Variants in PDAP1 observed in about 807,000 individuals in gnomAD.
The protein encoded by PDAP1 is 28 kDa heat- and acid-stable phosphoprotein.
A neutral mutation model predicts 28.0 loss-of-function variants in PDAP1; 13 were observed. The ratio of observed to expected loss-of-function variants is 0.46; its 90% CI spans 0.30 to 0.74. PDAP1 has a LOEUF of 0.74. Ranked by LOEUF, PDAP1 falls within the 30% of genes least tolerant of loss-of-function variation. The pLI is 0.07. For synonymous variants in PDAP1, 77 were observed against 85.1 expected (o/e 0.91, Z 0.52); for missense variants, 150 against 230.0 (o/e 0.65, Z 2.25).
Position 99,394,945 on chromosome 7 carries a change from A to G in PDAP1, c.*1737T>C, listed in dbSNP as rs1016620374. ...CCCAAGTAGCTGGGACTCCAGGGAG[A>G]GATTGGTGTTTGCACGGCCATAGGT... is the stretch of plus-strand genomic sequence containing the variant. On this transcript the variant is annotated 3_prime_UTR_variant, in exon 6 of 6. Coordinates refer to ENST00000350498, the MANE Select transcript of PDAP1 (RefSeq NM_014891.7). 1 of 625,470 alleles carries G rather than the reference A, an allele frequency of 1.6e-6. No homozygotes were observed. Among genetic ancestry groups the G allele is most frequent in the Non-Finnish European group, 2.2e-6 (1 of 455,592 alleles). 38.7% of individuals were successfully genotyped at this position (625,470 alleles called of 1,614,324 possible).
At position 99,403,378 on chromosome 7, in the gene PDAP1, C is replaced by A. The variant is rs1041608263; in HGVS notation, c.213+20G>T. 4 of 1,403,302 alleles carry A rather than the reference C, an allele frequency of 2.9e-6. No homozygotes were observed. The highest frequency in any genetic ancestry group is 4.0e-6 in the Non-Finnish European group (4 of 987,664). 86.9% of individuals were successfully genotyped at this position (1,403,302 alleles called of 1,614,324 possible). A position where few individuals can be genotyped will look rare whatever the true frequency, so the allele number is the denominator to read the frequency against. ...TGAATGAATGAGTCCAGGCTCTAGG[C>A]CCTCAAAAGAACTCAGTACCTGGTA... On this transcript the variant is annotated intron_variant, in intron 3 of 5. Transcript: ENST00000350498.
chr7:99,405,787 T>C (rs1794960831), intron 1 of PDAP1, among the ~76,000 whole-genome samples: 1 of 152,172 alleles, frequency 6.6e-6, no homozygotes, highest in African/African-American at 2.4e-5. Flanking sequence ...AGAGTCCAAC[T>C]CCCAGGTTCT....
rs1288375321 is a variant in PDAP1, at chr7:99,396,082, T to C, written c.*600A>G. The C allele has an allele frequency of 6.5e-6, 1 of 154,008 alleles. No individual in the cohort carries two copies. The highest frequency in any genetic ancestry group is 2.4e-5 in the African/African-American group (1 of 41,452). 9.5% of individuals were successfully genotyped at this position (154,008 alleles called of 1,614,324 possible). A position where few individuals can be genotyped will look rare whatever the true frequency, so the allele number is the denominator to read the frequency against. ...CACAGTAAACAGAGGTTTCTTGAAA[T>C]GATCAATGGGTAGGGCTGAAAATGG... is the stretch of plus-strand genomic sequence containing the variant. On this transcript the variant is annotated 3_prime_UTR_variant, in exon 6 of 6. Transcript: ENST00000350498.
In PDAP1 at chr7:99,400,552, G is replaced by C. The variant is rs558649575; in HGVS notation, c.214-128C>G. 9 of 1,029,978 alleles carry C rather than the reference G, an allele frequency of 8.7e-6. No individual in the cohort carries two copies. In the African/African-American group the frequency reaches 1.3e-4, roughly 15 times the overall value. 63.8% of individuals were successfully genotyped at this position (1,029,978 alleles called of 1,614,324 possible). Reference sequence around the variant, plus strand: ...CCTGCTCCACCCCAGCCCACGTAGTGCTCAGCCCAAGTCTCACAGTGGGTA... The same window carrying C: ...CCTGCTCCACCCCAGCCCACGTAGTCCTCAGCCCAAGTCTCACAGTGGGTA... On this transcript the variant is annotated intron_variant, in intron 3 of 5. Transcript: ENST00000350498.
At position 99,403,444 on chromosome 7, in the gene PDAP1, T is replaced by C. The variant is rs376873632; in HGVS notation, c.167A>G (p.Lys56Arg). The C allele has an allele frequency of 1.2e-6, 2 of 1,612,190 alleles. No homozygotes were observed. Among genetic ancestry groups the C allele is most frequent in the African/African-American group, 2.7e-5 (2 of 74,856 alleles). Residue 56 changes from lysine (K) to arginine (R), a missense_variant, in exon 3 of 6, where the codon AAA becomes AGA. Transcript: ENST00000350498. ...GAAGDPKKEK[K>R]SLDSDESEDE... ...CTCACTCTCATCTGAGTCTAGAGAT[T>C]TCTTCTCCTTTTTGGGGTCACCTGC...
chr7:99,400,744 T>G (rs935543436), intron 3 of PDAP1, among the ~76,000 whole-genome samples: 1 of 152,156 alleles, frequency 6.6e-6, no homozygotes, highest in African/African-American at 2.4e-5. Flanking sequence ...CAAGCTCGGC[T>G]TCCAAAAGCA....
At position 99,404,982 on chromosome 7, in the gene PDAP1, G is replaced by A. The variant is rs750936861; in HGVS notation, c.14-29C>T. 1.9e-6 allele frequency: 3 copies of A among 1,561,990 alleles called. No individual in the cohort carries two copies. In the Admixed American group the frequency reaches 5.0e-5, roughly 26 times the overall value. ...CAGAGACCCGCAGTTTAGGTGAGCG[G>A]AAGCAGCTGCCTTGACTGCTCTGAC... On this transcript the variant is annotated intron_variant, in intron 1 of 5. Transcript: ENST00000350498.
chr7:99,408,432 T>C (rs1795030107), intron 1 of PDAP1, 104 bp downstream of exon 1: 11 of 1,067,954 alleles, frequency 1.0e-5, no homozygotes, highest in Non-Finnish European at 1.3e-5. Context: ...GCGGACAGCC[T>C]CCCTCTGCGC....
At chr7:99,403,948 A>G (rs1270643386) in intron 2 of PDAP1, among the ~76,000 whole-genome samples, 1 of 151,992 alleles carries the variant, frequency 6.6e-6, no homozygotes, top group Non-Finnish European at 1.5e-5. Flanking sequence ...CTCCCACTCC[A>G]TGGCAAGTCA....
At chr7:99,405,548 T>C (rs1794956670) in intron 1 of PDAP1, among the ~76,000 whole-genome samples, 1 of 152,000 alleles carries the variant, frequency 6.6e-6, no homozygotes, top group Admixed American at 6.6e-5. Context: ...TTAGTAGAGA[T>C]GGGGTTTAAC....
At position 99,397,854 on chromosome 7, in the gene PDAP1, G is replaced by T; in HGVS notation, c.487+8C>A. The T allele has an allele frequency of 6.2e-7, 1 of 1,612,098 alleles. No individual in the cohort carries two copies. The highest frequency in any genetic ancestry group is 8.5e-7 in the Non-Finnish European group (1 of 1,179,962). ...GGCCTGTCCCTGCGTGCGCAGCCCA[G>T]CCCTTACCTTTCCTTTCCTCTTCCT... On this transcript the variant is annotated splice_region_variant and intron_variant, in intron 5 of 5. Coordinates refer to ENST00000350498, the MANE Select transcript of PDAP1 (RefSeq NM_014891.7).
At position 99,399,824 on chromosome 7, in the gene PDAP1, A is replaced by C. The variant is rs192637845; in HGVS notation, c.335+479T>G. Among the ~76,000 whole-genome samples, 364 of 152,330 alleles carry C rather than the reference A, an allele frequency of 2.4e-3. 2 individuals carry two copies. The highest frequency in any genetic ancestry group is 8.3e-3 in the African/African-American group (345 of 41,570). ...GATCTTGATCCTCATACGACTCTTGAGGAAGATATTTACAGCTTCATTTTC... is the reference window on the plus strand; with the variant it reads ...GATCTTGATCCTCATACGACTCTTGCGGAAGATATTTACAGCTTCATTTTC... On this transcript the variant is annotated intron_variant, in intron 4 of 5. Transcript: ENST00000350498.
intron 3 of PDAP1, 151 bp downstream of exon 3, chr7:99,403,247 T>G: frequency 1.6e-6 from 1 of 611,746 alleles, no homozygotes; most frequent in South Asian, 2.0e-5. Flanking sequence ...ACACTGTCTG[T>G]TTACTTCTTT....
intron 1 of PDAP1, among the ~76,000 whole-genome samples, chr7:99,406,913 C>A (rs1312736352): frequency 6.6e-6 from 1 of 152,118 alleles, no homozygotes; most frequent in Non-Finnish European, 1.5e-5. Context: ...TTATTAAAGT[C>A]CTATTGTGAG....
chr7:99,402,153 C>T (rs367939886), intron 3 of PDAP1, among the ~76,000 whole-genome samples: 6 of 143,984 alleles, frequency 4.2e-5, no homozygotes, highest in Middle Eastern at 3.6e-3. Context: ...GGCCTGAACC[C>T]GGGAGGCGGA....
rs1321919363 is a variant in PDAP1 at position 99,395,500 on chromosome 7, A to G, written c.*1182T>C. On this transcript the variant is annotated 3_prime_UTR_variant, in exon 6 of 6. Transcript: ENST00000350498. Reference sequence around the variant, plus strand: ...ATTTTGTCATTACAATGTTGGCAAGATATTTTTTTCGTGTGCTGTAAACTG... The same window carrying G: ...ATTTTGTCATTACAATGTTGGCAAGGTATTTTTTTCGTGTGCTGTAAACTG... The G allele has an allele frequency of 6.6e-6, 1 of 152,152 alleles. No individual in the cohort carries two copies. Among genetic ancestry groups the G allele is most frequent in the Non-Finnish European group, 1.5e-5 (1 of 68,060 alleles). 9.4% of individuals were successfully genotyped at this position (152,152 alleles called of 1,614,324 possible).
chr7:99,405,525 T>G (rs542289349), intron 1 of PDAP1, among the ~76,000 whole-genome samples: 23 of 151,972 alleles, frequency 1.5e-4, no homozygotes, highest in African/African-American at 5.6e-4. Flanking sequence ...ATGCCCAGCT[T>G]ATTTATTTAT....
intron 4 of PDAP1, among the ~76,000 whole-genome samples, chr7:99,398,364 C>T (rs1333489961): frequency 6.6e-6 from 1 of 152,120 alleles, no homozygotes; most frequent in Admixed American, 6.5e-5. Flanking sequence ...GAGAAGATGA[C>T]CAGGAGGATG....
chr7:99,397,868 T>C lies in PDAP1; in HGVS notation c.481A>G (p.Arg161Gly). ...EEAARKKEEERKAKDDATLSG... is the reference protein window; with the variant it reads ...EEAARKKEEEGKAKDDATLSG... ...TGCGCAGCCCAGCCCTTACCTTTCC[T>C]TTCCTCTTCCTTCTTCCGGGCAGCC... is the stretch of plus-strand genomic sequence containing the variant. Residue 161 changes from arginine (R) to glycine (G), a missense_variant, in exon 5 of 6, where the codon AGG becomes GGG. Transcript: ENST00000350498. 1 of 1,612,636 alleles carries C rather than the reference T, an allele frequency of 6.2e-7. No homozygotes were observed.
Sources: gnomAD v4.1 joint callset for allele counts (sites outside exome capture counted in the v4.1 genomes callset) on GRCh38, gnomAD v4.1.1 for gene constraint, MANE v1.5 for transcripts, NCBI Gene and HGNC (gene_info 2026-07-23, HGNC 2026-07-21) for gene names.